Variants in ADGRL2 observed in about 807,000 individuals in gnomAD.
The protein encoded by ADGRL2 is adhesion G protein-coupled receptor L2.
Under a neutral mutation model 157.4 loss-of-function variants are expected in ADGRL2, and 44 were observed. The observed-to-expected ratio is 0.28, with a 90% CI of 0.22 to 0.36. ADGRL2 has a LOEUF of 0.36. Ranked by LOEUF, ADGRL2 falls within the 10% of genes least tolerant of loss-of-function variation. ADGRL2 has a pLI of 1.00. For missense variants in ADGRL2, 1,510 were observed against 1,768.9 expected, an observed-to-expected ratio of 0.85 and a Z score of 2.63; for synonymous variants, 585 against 624.7, an observed-to-expected ratio of 0.94 and a Z score of 0.95.
intron 2 of ADGRL2, among the ~76,000 whole-genome samples, chr1:81,499,828 G>A (rs1436211055): frequency 1.3e-5 from 2 of 152,098 alleles, no homozygotes; most frequent in Non-Finnish European, 2.9e-5. Flanking sequence ...TTATTCTTAT[G>A]ACAGTAGGTA....
intron 2 of ADGRL2, among the ~76,000 whole-genome samples, chr1:81,576,469 G>C (rs1056168400): frequency 2.0e-5 from 3 of 152,026 alleles, no homozygotes; most frequent in Admixed American, 6.6e-5. Context: ...ATTAAAACTT[G>C]TGCTATTCTA....
chr1:81,902,197 G>T (rs1471702768), intron 2 of ADGRL2, among the ~76,000 whole-genome samples: 1 of 152,208 alleles, frequency 6.6e-6, no homozygotes. Context: ...AAAGTGTCTG[G>T]GTTAAGATAG....
intron 2 of ADGRL2, among the ~76,000 whole-genome samples, chr1:81,510,029 C>T (rs988253228): frequency 5.3e-5 from 8 of 152,120 alleles, no homozygotes; most frequent in Admixed American, 4.6e-4. Context: ...AGTTTATGCT[C>T]ATCCAACAAA....
upstream of ADGRL2, among the ~76,000 whole-genome samples, chr1:81,797,867 A>T (rs771342734): frequency 2.4e-4 from 36 of 152,200 alleles, no homozygotes; most frequent in Non-Finnish European, 4.4e-4. Context: ...CTCTAACCAC[A>T]TAAGCTAATG....
chr1:81,707,847 G>A (rs999359810), intron 1 of ADGRL2, among the ~76,000 whole-genome samples: 2 of 152,104 alleles, frequency 1.3e-5, no homozygotes, highest in African/African-American at 4.8e-5. Flanking sequence ...CAGCTGAGGT[G>A]TGATATCTAG....
chr1:81,696,031 G>A (rs1330691745), upstream of ADGRL2, among the ~76,000 whole-genome samples: 1 of 152,016 alleles, frequency 6.6e-6, no homozygotes. Context: ...CTGCTTACCA[G>A]ACCACACCCA....
At chr1:81,804,872 T>G (rs1346188079) in intron 1 of ADGRL2, among the ~76,000 whole-genome samples, 1 of 152,216 alleles carries the variant, frequency 6.6e-6, no homozygotes, top group Non-Finnish European at 1.5e-5. Flanking sequence ...ATTAAAAGAC[T>G]CATTTGTACA....
At chr1:81,609,815 T>C (rs2081504250) in intron 3 of ADGRL2, among the ~76,000 whole-genome samples, 2 of 152,256 alleles carry the variant, frequency 1.3e-5, no homozygotes. Context: ...AGGAGTTTTC[T>C]CTCAATATCT....
intron 2 of ADGRL2, among the ~76,000 whole-genome samples, chr1:81,886,193 A>G (rs1179939896): frequency 6.6e-6 from 1 of 152,048 alleles, no homozygotes; most frequent in Admixed American, 6.5e-5. Context: ...GGGTGGGGAG[A>G]CAAAGTCTTG....
At chr1:81,740,686 C>T (rs1323619669) in intron 1 of ADGRL2, among the ~76,000 whole-genome samples, 2 of 152,150 alleles carry the variant, frequency 1.3e-5, no homozygotes, top group African/African-American at 2.4e-5. Flanking sequence ...ACTCAGAGCT[C>T]CAGCCAACAT....
intron 1 of ADGRL2, among the ~76,000 whole-genome samples, chr1:81,439,270 C>T (rs1480603348): frequency 6.6e-6 from 1 of 152,170 alleles, no homozygotes; most frequent in Non-Finnish European, 1.5e-5. Context: ...TTTTCAAAGT[C>T]ACTCATTCTA....
rs1437932644 is a variant in ADGRL2 at position 81,991,127 on chromosome 1, G to T, written c.4392G>T (p.Gln1464His). Residue 1464 changes from glutamine (Q) to histidine (H), a missense_variant, in exon 24 of 24, where the codon CAG becomes CAT. Gln to His is a conservative substitution (Grantham distance 24). Coordinates refer to ENST00000686636, the MANE Select transcript of ADGRL2 (RefSeq NM_001366006.2). ...PEGDVREGQM[Q>H]LVTSL ...GAGATGTTAGAGAAGGACAAATGCA[G>T]CTGGTTACAAGTCTTTAATCATACA... 6.2e-7 allele frequency: 1 copy of T among 1,606,178 alleles called. No individual in the cohort carries two copies. The highest frequency in any genetic ancestry group is 1.1e-5 in the South Asian group (1 of 90,916).
intron 1 of ADGRL2, among the ~76,000 whole-genome samples, chr1:81,432,970 T>C (rs184905903): frequency 2.6e-4 from 39 of 152,296 alleles, no homozygotes; most frequent in African/African-American, 9.4e-4. Context: ...TGGAAATATG[T>C]ACCTTGGGCT....
intron 1 of ADGRL2, among the ~76,000 whole-genome samples, chr1:81,325,737 A>G (rs1215481054): frequency 6.6e-6 from 1 of 152,132 alleles, no homozygotes; most frequent in East Asian, 1.9e-4. Context: ...CTTAGCTTCA[A>G]GCATCCCTCT....
intron 3 of ADGRL2, among the ~76,000 whole-genome samples, chr1:81,597,949 A>G (rs2081267179): frequency 1.3e-5 from 2 of 152,224 alleles, no homozygotes; most frequent in African/African-American, 4.8e-5. Flanking sequence ...GAAAGCGGGT[A>G]CACAATGCTG....
intron 2 of ADGRL2, among the ~76,000 whole-genome samples, chr1:81,464,947 AG>A (rs1479058871): frequency 3.4e-4 from 43 of 127,944 alleles, no homozygotes; most frequent in East Asian, 2.1e-3. Context: ...AAAAAAAAAA[AG>A]AAGAAGAAAA....
chr1:81,428,323 AT>A (rs141165783), intron 1 of ADGRL2, among the ~76,000 whole-genome samples: 7,658 of 150,064 alleles, frequency 0.051, 298 homozygotes, highest in African/African-American at 0.12. Context: ...ATTAAAAAAA[AT>A]ATCTCAAAAT....
At chr1:81,380,452 C>T (rs1046632545) in intron 1 of ADGRL2, among the ~76,000 whole-genome samples, 1 of 152,086 alleles carries the variant, frequency 6.6e-6, no homozygotes, top group African/African-American at 2.4e-5. Flanking sequence ...AAACAAAGAT[C>T]TAGCTATTTA....
chr1:81,590,000 G>T (rs2081101068), intron 3 of ADGRL2, among the ~76,000 whole-genome samples: 1 of 152,146 alleles, frequency 6.6e-6, no homozygotes, highest in Admixed American at 6.6e-5. Flanking sequence ...GCGGCCCATG[G>T]TGGTGCTGTC....
Sources: gnomAD v4.1 joint callset for allele counts (sites outside exome capture counted in the v4.1 genomes callset) on GRCh38, gnomAD v4.1.1 for gene constraint, MANE v1.5 for transcripts, NCBI Gene and HGNC (gene_info 2026-07-23, HGNC 2026-07-21) for gene names.